Variants in HGD observed in about 807,000 individuals in gnomAD.
The protein encoded by HGD is homogentisate 1,2-dioxygenase.
Under a neutral mutation model 60.8 loss-of-function variants are expected in HGD, and 61 were observed. The observed-to-expected ratio is 1.00, with a 90% CI of 0.82 to 1.24. HGD has a LOEUF of 1.24. HGD is among the 50% of genes most tolerant of loss of function. HGD has a pLI of 0.00. For synonymous variants in HGD, 212 were observed against 187.7 expected (o/e 1.13, Z -1.06); for missense variants, 542 against 547.1 (o/e 0.99, Z 0.09).
At position 120,671,996 on chromosome 3, in the gene HGD, A is replaced by G. The variant is rs1708035362; in HGVS notation, c.177-1464T>C. On this transcript the variant is annotated intron_variant, in intron 3 of 13. Transcript: ENST00000283871. ...ACACTGGGGCCTGTTGGGGGGTGGG[A>G]GTTGGGGGAGGGAGAGCATTAAAAA... Among the ~76,000 whole-genome samples the G allele has an allele frequency of 3.5e-5, 5 of 144,436 alleles. No homozygotes were observed. In the Admixed American group the frequency reaches 3.5e-4, roughly 10 times the overall value. The allele number at this position is 144,436 out of a possible 152,430, so 94.8% of individuals were successfully genotyped here. A position where few individuals can be genotyped will look rare whatever the true frequency, so the allele number is the denominator to read the frequency against.
At position 120,652,726 on chromosome 3, in the gene HGD, A is replaced by G. The variant is rs892498034; in HGVS notation, c.283-75T>C. The G allele has an allele frequency of 1.0e-5, 10 of 986,486 alleles. No individual in the cohort carries two copies. In the East Asian group the frequency reaches 2.3e-4, roughly 22 times the overall value. The allele number at this position is 986,486 out of a possible 1,614,324, so 61.1% of individuals were successfully genotyped here. The stretch of plus-strand genomic sequence containing the variant: ...TAGACCTTCTAAATAAATAGCATCA[A>G]TTACATAGAAAAGAAAGGACAGCTA... On this transcript the variant is annotated intron_variant, in intron 4 of 13. Coordinates refer to ENST00000283871, the MANE Select transcript of HGD (RefSeq NM_000187.4).
chr3:120,630,973 G>A (rs2107486823), intron 13 of HGD, among the ~76,000 whole-genome samples: 1 of 151,704 alleles, frequency 6.6e-6, no homozygotes, highest in African/African-American at 2.4e-5. Context: ...GGCAAACTAA[G>A]AGGAACAGAA....
rs59426684 is a variant in HGD, at chr3:120,669,447, GCACACACA to G, written c.282+972_282+979del. Among the ~76,000 whole-genome samples, 571 of 145,722 alleles carry G rather than the reference GCACACACA, an allele frequency of 3.9e-3. 4 individuals are homozygous for G. The highest frequency in any genetic ancestry group is 0.013 in the African/African-American group (492 of 39,210). Reference sequence around the variant, plus strand: ...AAAATACAAGCTTATGTGCGCATGTGCACACACACACACACACACACACACACACACAC... The same window carrying G: ...AAAATACAAGCTTATGTGCGCATGTGCACACACACACACACACACACACAC... On this transcript the variant is annotated intron_variant, in intron 4 of 13. Coordinates refer to ENST00000283871, the MANE Select transcript of HGD (RefSeq NM_000187.4).
At chr3:120,667,089 C>T (rs35982446) in intron 4 of HGD, among the ~76,000 whole-genome samples, 18,377 of 151,702 alleles carry the variant, frequency 0.12, 1,285 homozygotes, top group South Asian at 0.16. Context: ...CTTTGGGAGG[C>T]TCAGGCAGGC....
rs1320184173 is a variant in HGD, at chr3:120,638,453, A to T, written c.1006+2T>A. 2 of 1,613,878 alleles carry T rather than the reference A, an allele frequency of 1.2e-6. No homozygotes were observed. The highest frequency in any genetic ancestry group is 1.7e-6 in the Non-Finnish European group (2 of 1,179,870). On this transcript the variant is annotated splice_donor_variant, in intron 12 of 13. Transcript: ENST00000283871. LOFTEE classifies it high-confidence loss of function. ...ATGTGGCTTGGTAAAAGAGAGACTT[A>T]CTATGGTAATAAGGAGGCCTGAAGG...
At chr3:120,677,296 A>G (rs1333117809) in intron 1 of HGD, among the ~76,000 whole-genome samples, 1 of 152,156 alleles carries the variant, frequency 6.6e-6, no homozygotes, top group Non-Finnish European at 1.5e-5. Context: ...ACAGAGCCAT[A>G]TTTCTCTTCT....
chr3:120,666,143 A>G (rs1420595505), intron 4 of HGD, among the ~76,000 whole-genome samples: 1 of 152,224 alleles, frequency 6.6e-6, no homozygotes, highest in East Asian at 1.9e-4. Context: ...CAGAGGTCAC[A>G]AGTCAGAAAG....
rs183598738 is a variant in HGD at position 120,653,763 on chromosome 3, G to T, written c.283-1112C>A. 9.8e-5 allele frequency among the ~76,000 whole-genome samples: 15 copies of T among 152,318 alleles called. 1 individual carries two copies. The East Asian group carries it at 2.5e-3, about 25-fold the overall frequency. On this transcript the variant is annotated intron_variant, in intron 4 of 13. Transcript: ENST00000283871. Reference sequence around the variant, plus strand: ...TCATTAAGGATGGTATCTCTTAGGGGTATAATAGGGGGACCTGAGGGCAAG... The same window carrying T: ...TCATTAAGGATGGTATCTCTTAGGGTTATAATAGGGGGACCTGAGGGCAAG...
At chr3:120,676,774 C>T (rs1014673675) in intron 1 of HGD, among the ~76,000 whole-genome samples, 4 of 152,092 alleles carry the variant, frequency 2.6e-5, no homozygotes, top group Admixed American at 6.6e-5. Flanking sequence ...GCTCAGCAAG[C>T]GAAATGTAAC....
chr3:120,647,867 C>T lies in HGD; in HGVS notation c.469+10G>A. On this transcript the variant is annotated intron_variant, in intron 7 of 13. Transcript: ENST00000283871. ...TAACAGTGAGGGGGTCTGAAGTCTT[C>T]AGAACTCACCAATCAAGAAGTCCCC... 1 of 1,608,120 alleles carries T rather than the reference C, an allele frequency of 6.2e-7. No homozygotes were observed. The highest frequency in any genetic ancestry group is 8.5e-7 in the Non-Finnish European group (1 of 1,174,460).
chr3:120,666,027 G>T (rs1707892256), intron 4 of HGD, among the ~76,000 whole-genome samples: 1 of 152,182 alleles, frequency 6.6e-6, no homozygotes, highest in East Asian at 1.9e-4. Context: ...TATAAAATTG[G>T]AAAGAGATAT....
Position 120,673,568 on chromosome 3 carries a change from T to C in HGD, c.176+1333A>G, listed in dbSNP as rs370203230. The stretch of plus-strand genomic sequence containing the variant: ...ATTATCCCCTGATTTTTGACATGTA[T>C]AGAAATCTTTCTCTATCTCTTCCTC... On this transcript the variant is annotated intron_variant, in intron 3 of 13. Transcript: ENST00000283871. Among the ~76,000 whole-genome samples the C allele has an allele frequency of 2.3e-4, 35 of 152,338 alleles. No individual in the cohort carries two copies. In the South Asian group the frequency reaches 6.0e-3, roughly 26 times the overall value.
chr3:120,633,523 T>G, intron 12 of HGD, 195 bp from the exon 13 acceptor site: 1 of 1,503,924 alleles, frequency 6.6e-7, no homozygotes, highest in South Asian at 1.2e-5. Context: ...CAGGCACAGC[T>G]CTACTCCATG....
At chr3:120,660,002 G>C (rs530643785) in intron 4 of HGD, among the ~76,000 whole-genome samples, 52 of 152,156 alleles carry the variant, frequency 3.4e-4, no homozygotes, top group African/African-American at 1.2e-3. Flanking sequence ...CTACCCTCTT[G>C]GTGCTGTTCT....
chr3:120,672,659 G>T (rs1387795320), intron 3 of HGD, among the ~76,000 whole-genome samples: 1 of 152,158 alleles, frequency 6.6e-6, no homozygotes, highest in East Asian at 1.9e-4. Flanking sequence ...CAGAGCATGT[G>T]TGTATGTCTT....
At chr3:120,660,812 C>T (rs1941639564) in intron 4 of HGD, among the ~76,000 whole-genome samples, 3 of 152,008 alleles carry the variant, frequency 2.0e-5, no homozygotes, top group African/African-American at 7.2e-5. Flanking sequence ...ACTCAAAAAA[C>T]AAAACAAAAC....
At chr3:120,671,705 A>G (rs374606935) in intron 3 of HGD, among the ~76,000 whole-genome samples, 1 of 152,250 alleles carries the variant, frequency 6.6e-6, no homozygotes, top group Non-Finnish European at 1.5e-5. Context: ...TTATTGCAGC[A>G]CTATTCACAA....
At chr3:120,665,905 T>G (rs1576311493) in intron 4 of HGD, among the ~76,000 whole-genome samples, 1 of 152,338 alleles carries the variant, frequency 6.6e-6, no homozygotes, top group African/African-American at 2.4e-5. Flanking sequence ...TGTCAGAGGG[T>G]GCCTAAATAT....
At chr3:120,665,079 G>C (rs1434835871) in intron 4 of HGD, among the ~76,000 whole-genome samples, 2 of 152,220 alleles carry the variant, frequency 1.3e-5, no homozygotes, top group Non-Finnish European at 2.9e-5. Context: ...TTGGGCAAGA[G>C]AGGCAGGAAA....
Sources: gnomAD v4.1 joint callset for allele counts (sites outside exome capture counted in the v4.1 genomes callset) on GRCh38, gnomAD v4.1.1 for gene constraint, MANE v1.5 for transcripts, NCBI Gene and HGNC (gene_info 2026-07-23, HGNC 2026-07-21) for gene names.